Variants in CCDC7 observed in about 807,000 individuals in gnomAD.
The protein encoded by CCDC7 is coiled-coil domain-containing protein 7.
CCDC7 carries 183 observed loss-of-function variants against 196.9 expected under a neutral mutation model. The ratio of observed to expected loss-of-function variants is 0.93; its 90% CI spans 0.82 to 1.05. The LOEUF (loss-of-function observed/expected upper bound fraction) is 1.05, where lower values mean the gene tolerates loss of function less well. Among genes scored for constraint, CCDC7 ranks in the 50% least tolerant of loss-of-function variants. The probability of loss-of-function intolerance (pLI) is 0.00; values close to 1 mark genes in which losing one functional copy is unlikely to be tolerated. For synonymous variants in CCDC7, 525 were observed against 484.6 expected, an observed-to-expected ratio of 1.08 and a Z score of -1.10; for missense variants, 1,540 against 1,482.2, an observed-to-expected ratio of 1.04 and a Z score of -0.64.
intron 30 of CCDC7, among the ~76,000 whole-genome samples, chr10:32,809,706 A>G (rs929644146): frequency 1.3e-5 from 2 of 152,234 alleles, no homozygotes; most frequent in Non-Finnish European, 2.9e-5. Flanking sequence ...TAGAATGGCA[A>G]TCATTAAAAA....
At chr10:32,481,565 C>T (rs1230483654) in intron 8 of CCDC7, 2 of 152,098 alleles carry the variant, frequency 1.3e-5, no homozygotes, top group African/African-American at 2.4e-5. Flanking sequence ...TTACAGACTA[C>T]TGTTACAATA....
In CCDC7 at chr10:32,726,896, G is replaced by A. The variant is rs139663835; in HGVS notation, c.2668+64G>A. The A allele has an allele frequency of 1.0e-3, 984 of 979,816 alleles. 8 individuals are homozygous for A. The East Asian group carries it at 0.021, about 21-fold the overall frequency. The allele number at this position is 979,816 out of a possible 1,614,324, so 60.7% of individuals were successfully genotyped here. A position where few individuals can be genotyped will look rare whatever the true frequency, so the allele number is the denominator to read the frequency against. ...AAATTAAACTTATCAGAAGATCTTT[G>A]CCTTTGATTCCTGAATGTGTATTTT... On this transcript the variant is annotated intron_variant, in intron 26 of 41. Coordinates refer to ENST00000639629, the Ensembl canonical transcript of CCDC7.
At chr10:32,450,906 CT>C (rs1205257770), upstream of CCDC7, among the ~76,000 whole-genome samples, 1 of 151,984 alleles carries the variant, frequency 6.6e-6, no homozygotes, top group Non-Finnish European at 1.5e-5. Flanking sequence ...ACAAATGAGC[CT>C]TTGTTTAGGG....
intron 24 of CCDC7, among the ~76,000 whole-genome samples, chr10:32,707,860 C>A (rs1487841276): frequency 1.3e-5 from 2 of 152,060 alleles, no homozygotes; most frequent in African/African-American, 4.8e-5. Context: ...TACTCATGGG[C>A]AGGAAGAATC....
intron 3 of CCDC7, among the ~76,000 whole-genome samples, chr10:32,459,283 A>G (rs576745985): frequency 1.1e-4 from 17 of 152,186 alleles, no homozygotes; most frequent in African/African-American, 4.1e-4. Flanking sequence ...TCCCTAGGAG[A>G]GTTCTGAGTT....
intron 20 of CCDC7, among the ~76,000 whole-genome samples, chr10:32,640,539 T>G (rs2460708): frequency 0.83 from 126,903 of 152,052 alleles, 53,572 homozygotes; most frequent in Non-Finnish European, 0.9. Flanking sequence ...GTGTGAATTT[T>G]ATCCTGTCAT....
chr10:32,603,469 G>A (rs1323295134), intron 18 of CCDC7, among the ~76,000 whole-genome samples: 2 of 151,990 alleles, frequency 1.3e-5, no homozygotes, highest in Admixed American at 1.3e-4. Flanking sequence ...AAACCCAGTA[G>A]TGGGATTGCT....
chr10:32,475,300 C>T (rs1336413684), intron 8 of CCDC7, among the ~76,000 whole-genome samples: 1 of 152,210 alleles, frequency 6.6e-6, no homozygotes, highest in African/African-American at 2.4e-5. Flanking sequence ...GGGGTCATCA[C>T]AGGGCCTTTC....
intron 28 of CCDC7, among the ~76,000 whole-genome samples, chr10:32,765,845 G>C (rs2078208286): frequency 6.6e-6 from 1 of 151,990 alleles, no homozygotes; most frequent in Admixed American, 6.6e-5. Flanking sequence ...CTGGTAACTG[G>C]CATGCAAATA....
At position 32,682,949 on chromosome 10, in the gene CCDC7, AT is replaced by A. The variant is rs2076034697; in HGVS notation, c.2123-3018del. On this transcript the variant is annotated intron_variant, in intron 21 of 41. Transcript: ENST00000639629. ...TTTTCTCCTATTCTGTAGGTTGTCT[AT>A]TTGCTCTATTGATAGTTTCTTTTGC... Among the ~76,000 whole-genome samples, 5 of 151,954 alleles carry A rather than the reference AT, an allele frequency of 3.3e-5. 1 individual carries two copies. In the South Asian group the frequency reaches 1.0e-3, roughly 32 times the overall value.
intron 3 of CCDC7, among the ~76,000 whole-genome samples, chr10:32,460,295 T>C (rs1268223764): frequency 1.3e-5 from 2 of 152,196 alleles, no homozygotes; most frequent in Admixed American, 6.5e-5. Flanking sequence ...AGTAAGTAAA[T>C]GATTAAACAA....
chr10:32,545,676 C>T (rs111829536), intron 13 of CCDC7, among the ~76,000 whole-genome samples: 6,613 of 152,138 alleles, frequency 0.043, 481 homozygotes, highest in African/African-American at 0.15. Context: ...GAGGCTGAGG[C>T]GGACAGATCA....
intron 16 of CCDC7, among the ~76,000 whole-genome samples, chr10:32,578,552 A>T (rs1243812158): frequency 1.3e-5 from 2 of 151,616 alleles, no homozygotes; most frequent in Admixed American, 6.6e-5. Context: ...CGTAAGGAGC[A>T]CGCAAACTAG....
chr10:32,666,120 C>CTT (rs35052301), intron 21 of CCDC7, among the ~76,000 whole-genome samples: 22 of 130,800 alleles, frequency 1.7e-4, no homozygotes, highest in Non-Finnish European at 2.8e-4. Context: ...TATTCTTTTT[C>CTT]TTTTTTTTTT....
intron 9 of CCDC7, among the ~76,000 whole-genome samples, chr10:32,507,336 G>T (rs1279377256): frequency 6.6e-6 from 1 of 151,840 alleles, no homozygotes; most frequent in African/African-American, 2.4e-5. Context: ...GCAGCATGTA[G>T]TTGGGTTCTT....
chr10:32,873,785 AT>A (rs2136905478), intron 41 of CCDC7, among the ~76,000 whole-genome samples: 1 of 151,800 alleles, frequency 6.6e-6, no homozygotes, highest in South Asian at 2.1e-4. Flanking sequence ...TTTATGTTTA[AT>A]TTTTAGGAAG....
chr10:32,758,001 AGAAAT>A (rs2076761292), intron 28 of CCDC7, among the ~76,000 whole-genome samples: 1 of 152,242 alleles, frequency 6.6e-6, no homozygotes, highest in Non-Finnish European at 1.5e-5. Flanking sequence ...AAAATCTAGA[AGAAAT>A]GAATAAATTC....
At chr10:32,634,888 G>T (rs888386662) in intron 19 of CCDC7, among the ~76,000 whole-genome samples, 169 bp from the exon 21 acceptor site, 2 of 152,036 alleles carry the variant, frequency 1.3e-5, no homozygotes, top group Admixed American at 1.3e-4. Flanking sequence ...TAACAAGATT[G>T]CCTCCACACA....
intron 20 of CCDC7, among the ~76,000 whole-genome samples, chr10:32,657,747 A>C (rs1184744715): frequency 6.6e-6 from 1 of 152,266 alleles, no homozygotes; most frequent in East Asian, 1.9e-4. Context: ...TACTTATGGA[A>C]ATTTCTGCAG....
Sources: gnomAD v4.1 joint callset for allele counts (sites outside exome capture counted in the v4.1 genomes callset) on GRCh38, gnomAD v4.1.1 for gene constraint, MANE v1.5 for transcripts, NCBI Gene and HGNC (gene_info 2026-07-23, HGNC 2026-07-21) for gene names.